SLC6A2: variants seen among roughly 807,000 people sequenced by gnomAD.
The protein encoded by SLC6A2 is sodium-dependent noradrenaline transporter.
Under a neutral mutation model 71.7 loss-of-function variants are expected in SLC6A2, and 26 were observed. That is an observed-to-expected ratio of 0.36 (90% CI 0.27 to 0.50). The LOEUF is 0.50. Among genes scored for constraint, SLC6A2 ranks in the 20% least tolerant of loss-of-function variants. SLC6A2 has a pLI of 0.96. For missense variants in SLC6A2, 581 were observed against 803.9 expected, an observed-to-expected ratio of 0.72 and a Z score of 3.35; for synonymous variants, 363 against 337.9, an observed-to-expected ratio of 1.07 and a Z score of -0.82.
intron 2 of SLC6A2, among the ~76,000 whole-genome samples, chr16:55,667,498 C>G (rs1398215075): frequency 6.6e-6 from 1 of 152,210 alleles, no homozygotes; most frequent in South Asian, 2.1e-4. Context: ...CTTTCAGCAA[C>G]CCCACTGCCT....
At chr16:55,677,327 C>T (rs1965121258) in intron 4 of SLC6A2, among the ~76,000 whole-genome samples, 1 of 152,136 alleles carries the variant, frequency 6.6e-6, no homozygotes, top group Non-Finnish European at 1.5e-5. Context: ...CACCCTCTCC[C>T]CCTCATCCTC....
intron 7 of SLC6A2, among the ~76,000 whole-genome samples, chr16:55,694,748 G>A (rs1965742415): frequency 6.6e-6 from 1 of 152,202 alleles, no homozygotes; most frequent in Non-Finnish European, 1.5e-5. Flanking sequence ...TAGAAGACAA[G>A]CCAGTGCATG....
chr16:55,680,906 C>T (rs1404112499), intron 4 of SLC6A2, among the ~76,000 whole-genome samples: 4 of 152,090 alleles, frequency 2.6e-5, no homozygotes, highest in Non-Finnish European at 5.9e-5. Flanking sequence ...GGGAGCCATT[C>T]TGGGGAGGGG....
At chr16:55,695,784 C>T (rs1965778773) in intron 8 of SLC6A2, among the ~76,000 whole-genome samples, 1 of 152,154 alleles carries the variant, frequency 6.6e-6, no homozygotes, top group Non-Finnish European at 1.5e-5. Context: ...CTGGCGTCAC[C>T]CAGCTAGTGA....
At chr16:55,680,841 A>G (rs1349427211) in intron 4 of SLC6A2, among the ~76,000 whole-genome samples, 1 of 152,110 alleles carries the variant, frequency 6.6e-6, no homozygotes, top group Non-Finnish European at 1.5e-5. Flanking sequence ...CATGGGGAAG[A>G]TGATGCAGGG....
rs1018618237 is a variant in SLC6A2, at chr16:55,699,681, G to C, written c.1590+27G>C. Reference sequence around the variant, plus strand: ...TGTGTAGTGTCTGCAGGGAAGTCCTGCATGTGGGGAGGGGGCTGTGTCCAG... The same window carrying C: ...TGTGTAGTGTCTGCAGGGAAGTCCTCCATGTGGGGAGGGGGCTGTGTCCAG... On this transcript the variant is annotated intron_variant, in intron 12 of 14. Coordinates refer to ENST00000568943, the MANE Select transcript of SLC6A2 (RefSeq NM_001172501.3). 4.6e-6 allele frequency: 7 copies of C among 1,506,254 alleles called. No homozygotes were observed. The African/African-American group carries it at 6.9e-5, about 15-fold the overall frequency. The allele number at this position is 1,506,254 out of a possible 1,614,324, so 93.3% of individuals were successfully genotyped here.
At chr16:55,662,070 C>T (rs1964625321) in intron 2 of SLC6A2, among the ~76,000 whole-genome samples, 1 of 152,222 alleles carries the variant, frequency 6.6e-6, no homozygotes, top group South Asian at 2.1e-4. Context: ...ACTCAGCTGA[C>T]AAGTCTGTAC....
chr16:55,658,438 G>A (rs779701300), intron 2 of SLC6A2, among the ~76,000 whole-genome samples: 11 of 152,024 alleles, frequency 7.2e-5, no homozygotes, highest in South Asian at 2.1e-4. Context: ...ACTTGAACCC[G>A]GGATGTGGAG....
intron 4 of SLC6A2, among the ~76,000 whole-genome samples, chr16:55,674,745 T>C (rs562046956): frequency 1.4e-4 from 21 of 152,292 alleles, no homozygotes; most frequent in African/African-American, 4.8e-4. Flanking sequence ...CTTTATCCAA[T>C]CCATCATTGA....
At chr16:55,688,814 C>A (rs951990179) in intron 5 of SLC6A2, among the ~76,000 whole-genome samples, 1 of 152,174 alleles carries the variant, frequency 6.6e-6, no homozygotes, top group Non-Finnish European at 1.5e-5. Context: ...ACCTCACCAC[C>A]TTCCTGGGCA....
chr16:55,682,244 T>C (rs1048797680), intron 4 of SLC6A2, among the ~76,000 whole-genome samples: 2 of 152,172 alleles, frequency 1.3e-5, no homozygotes, highest in Non-Finnish European at 2.9e-5. Context: ...TGAATGGACC[T>C]CTAGTTGAGC....
intron 5 of SLC6A2, 94 bp from the exon 6 acceptor site, chr16:55,691,824 G>A: frequency 2.1e-6 from 3 of 1,422,768 alleles, no homozygotes; most frequent in Middle Eastern, 2.3e-4. Context: ...GAAAGAGCAT[G>A]ACTGGCTCCC....
chr16:55,660,002 A>G (rs530866514), intron 2 of SLC6A2, among the ~76,000 whole-genome samples: 1 of 152,140 alleles, frequency 6.6e-6, no homozygotes, highest in Non-Finnish European at 1.5e-5. Flanking sequence ...TGTTAATGTC[A>G]TTATGATGAT....
At position 55,669,621 on chromosome 16, in the gene SLC6A2, T is replaced by C. The variant is rs1426098658; in HGVS notation, c.331T>C (p.Tyr111His). The C allele has an allele frequency of 5.6e-6, 9 of 1,613,970 alleles. No homozygotes were observed. The highest frequency in any genetic ancestry group is 1.3e-5 in the African/African-American group (1 of 74,918). The change falls in exon 3 of 15, where the codon TAC becomes CAC. Residue 111 changes from tyrosine to histidine, a missense_variant. Around this residue, in one of 5 missense-constraint regions of SLC6A2, gnomAD observed 81 missense variants for 152.4 expected, o/e 0.53. Coordinates refer to ENST00000568943, the MANE Select transcript of SLC6A2 (RefSeq NM_001172501.3). ...TATCATCGCGGGGATGCCCCTGTTC[T>C]ACATGGAGCTGGCTCTGGGACAGTA... ...FLIIAGMPLF[Y>H]MELALGQYNR...
intron 6 of SLC6A2, 122 bp from the exon 7 acceptor site, chr16:55,693,888 G>T (rs1408581247): frequency 2.2e-5 from 17 of 781,464 alleles, no homozygotes; most frequent in Non-Finnish European, 3.3e-5. Context: ...GCCCATCTCT[G>T]GTTCAGACCA....
intron 2 of SLC6A2, among the ~76,000 whole-genome samples, chr16:55,658,519 C>CG (rs1964521656): frequency 6.9e-6 from 1 of 144,880 alleles, no homozygotes; most frequent in African/African-American, 2.5e-5. Flanking sequence ...GACTCTGTCT[C>CG]AAAAAAAAAA....
At chr16:55,688,554 A>G (rs150596399) in intron 5 of SLC6A2, among the ~76,000 whole-genome samples, 2 of 152,336 alleles carry the variant, frequency 1.3e-5, no homozygotes, top group African/African-American at 4.8e-5. Context: ...TCAACCTTAG[A>G]GTAGGTCCTG....
At chr16:55,678,666 C>T (rs1452156629) in intron 4 of SLC6A2, among the ~76,000 whole-genome samples, 7 of 152,160 alleles carry the variant, frequency 4.6e-5, no homozygotes, top group African/African-American at 4.8e-5. Context: ...CACCCCATGC[C>T]GGTCCCTGGT....
Position 55,700,189 on chromosome 16 carries a change from C to T in SLC6A2, c.1641C>T (p.Asp547=), listed in dbSNP as rs1567459013. The T allele has an allele frequency of 6.2e-6, 10 of 1,614,020 alleles. No individual in the cohort carries two copies. The South Asian group carries it at 9.9e-5, about 16-fold the overall frequency. The change falls in exon 13 of 15, where the codon GAC becomes GAT. Residue 547 remains aspartate (D), a synonymous_variant. Transcript: ENST00000568943. The part of the protein sequence containing the change: ...IINFKPLTYD[D]YIFPPWANWV... ...ACTTCAAGCCACTCACCTACGACGACTACATCTTCCCGCCCTGGGCCAACT... is the reference window on the plus strand; with the variant it reads ...ACTTCAAGCCACTCACCTACGACGATTACATCTTCCCGCCCTGGGCCAACT...
Sources: gnomAD v4.1 joint callset for allele counts (sites outside exome capture counted in the v4.1 genomes callset) on GRCh38, gnomAD v4.1.1 for gene constraint, gnomAD v4.1.1 regional missense constraint, MANE v1.5 for transcripts, NCBI Gene and HGNC (gene_info 2026-07-23, HGNC 2026-07-21) for gene names.